The following KCNMA1 variants were observed in gnomAD, a reference collection of about 807,000 sequenced individuals.
The protein encoded by KCNMA1 is Calcium-activated potassium channel subunit alpha-1.
In KCNMA1, 29 loss-of-function variants were observed where a neutral mutation model predicts 140.0. That is an observed-to-expected ratio of 0.21 (90% CI 0.15 to 0.28). The LOEUF (loss-of-function observed/expected upper bound fraction) is 0.28, where lower values mean the gene tolerates loss of function less well. Ranked by LOEUF, KCNMA1 falls within the 10% of genes least tolerant of loss-of-function variation. The pLI is 1.00. For synonymous variants in KCNMA1, 612 were observed against 611.9 expected, an observed-to-expected ratio of 1.00 and a Z score of 0.00; for missense variants, 880 against 1,602.2, an observed-to-expected ratio of 0.55 and a Z score of 7.70.
chr10:77,436,450 T>C (rs1040986488), intron 1 of KCNMA1, among the ~76,000 whole-genome samples: 1 of 152,154 alleles, frequency 6.6e-6, no homozygotes, highest in African/African-American at 2.4e-5. Flanking sequence ...TTGGCAGGAG[T>C]GCAAGCACTA....
At chr10:77,172,617 C>A (rs1466332499) in intron 5 of KCNMA1, among the ~76,000 whole-genome samples, 4 of 151,036 alleles carry the variant, frequency 2.6e-5, no homozygotes, top group Admixed American at 2.6e-4. Context: ...ATAATGAGTT[C>A]ATTTTTCTTG....
chr10:77,058,491 A>T (rs775135676), intron 14 of KCNMA1, among the ~76,000 whole-genome samples: 9 of 152,158 alleles, frequency 5.9e-5, no homozygotes, highest in Non-Finnish European at 1.3e-4. Context: ...ACATTCACCA[A>T]GACAGATTAC....
chr10:76,933,933 T>TTTTC (rs777078949), intron 23 of KCNMA1, among the ~76,000 whole-genome samples: 91 of 151,972 alleles, frequency 6.0e-4, no homozygotes, highest in African/African-American at 1.3e-3. Flanking sequence ...CAGTGCCACT[T>TTTTC]TTTCTTTCTT....
intron 1 of KCNMA1, among the ~76,000 whole-genome samples, chr10:77,539,235 A>G (rs576151789): frequency 1.3e-5 from 2 of 152,332 alleles, no homozygotes; most frequent in East Asian, 3.9e-4. Context: ...CCAATGAGCT[A>G]GCATGATAGG....
chr10:77,621,482 T>C lies in KCNMA1; in HGVS notation c.378+15783A>G, dbSNP rs2091349918. Among the ~76,000 whole-genome samples, 3 of 151,854 alleles carry C rather than the reference T, an allele frequency of 2.0e-5. No individual in the cohort carries two copies. The South Asian group carries it at 6.2e-4, about 31-fold the overall frequency. On this transcript the variant is annotated intron_variant, in intron 1 of 27. Coordinates refer to ENST00000286628, the MANE Select transcript of KCNMA1 (RefSeq NM_001161352.2). The stretch of plus-strand genomic sequence containing the variant: ...GGGTGCAAACTTTGCTGGTCCCCCA[T>C]GCTCTCTTGAATCTGTGTGCATCTC...
chr10:77,625,131 C>T (rs374139521), intron 1 of KCNMA1, among the ~76,000 whole-genome samples: 8 of 152,150 alleles, frequency 5.3e-5, no homozygotes, highest in African/African-American at 1.9e-4. Flanking sequence ...CAGTGGCTCA[C>T]GCCTGTAATC....
At chr10:77,404,278 T>C (rs2096388636) in intron 1 of KCNMA1, among the ~76,000 whole-genome samples, 1 of 152,126 alleles carries the variant, frequency 6.6e-6, no homozygotes, top group African/African-American at 2.4e-5. Context: ...CTATTCTATT[T>C]TATTTTATTT....
intron 1 of KCNMA1, among the ~76,000 whole-genome samples, chr10:77,420,021 G>A (rs1198835982): frequency 1.3e-5 from 2 of 152,254 alleles, no homozygotes; most frequent in African/African-American, 4.8e-5. Flanking sequence ...CAAAGTCATA[G>A]AGAGGGGAAT....
intron 1 of KCNMA1, among the ~76,000 whole-genome samples, chr10:77,573,711 T>C (rs978554213): frequency 9.6e-6 from 1 of 104,160 alleles, no homozygotes; most frequent in Non-Finnish European, 2.1e-5. Context: ...TAGAATAGAA[T>C]AGAATAGAAT....
chr10:77,232,996 C>T (rs1599466984), intron 3 of KCNMA1, among the ~76,000 whole-genome samples: 1 of 151,874 alleles, frequency 6.6e-6, no homozygotes, highest in Middle Eastern at 3.4e-3. Context: ...AAGTGATCCT[C>T]TCATCTCAGC....
chr10:76,909,901 G>C, intron 25 of KCNMA1, 65 bp downstream of exon 25: 1 of 1,574,490 alleles, frequency 6.4e-7, no homozygotes, highest in South Asian at 1.1e-5. Context: ...GGCCTCAAAG[G>C]TTGGAGGTGC....
At chr10:77,176,730 G>A (rs1237308584) in intron 5 of KCNMA1, among the ~76,000 whole-genome samples, 1 of 152,060 alleles carries the variant, frequency 6.6e-6, no homozygotes, top group Non-Finnish European at 1.5e-5. Flanking sequence ...ATTCCTCTTT[G>A]GAAATAATAA....
chr10:77,152,384 A>C (rs974814953), intron 5 of KCNMA1, among the ~76,000 whole-genome samples: 1 of 151,872 alleles, frequency 6.6e-6, no homozygotes, highest in Non-Finnish European at 1.5e-5. Context: ...TGAGAAAAGG[A>C]TTTGATTACA....
chr10:77,632,427 C>T (rs11597477), intron 1 of KCNMA1, among the ~76,000 whole-genome samples: 43,171 of 151,988 alleles, frequency 0.28, 6,294 homozygotes, highest in Middle Eastern at 0.36. Flanking sequence ...CATACCTGCC[C>T]ACCAAATGCC....
At chr10:77,551,453 G>A (rs1567494571) in intron 1 of KCNMA1, among the ~76,000 whole-genome samples, 1 of 152,164 alleles carries the variant, frequency 6.6e-6, no homozygotes, top group Non-Finnish European at 1.5e-5. Context: ...TTTTACTGAT[G>A]AGAAAACTCA....
Position 77,204,688 on chromosome 10 carries a change from G to T in KCNMA1, c.603-19772C>A, listed in dbSNP as rs1007291227. On this transcript the variant is annotated intron_variant, in intron 3 of 27. Coordinates refer to ENST00000286628, the MANE Select transcript of KCNMA1 (RefSeq NM_001161352.2). ...ACCTGCTTCCTCGACATGGTTTGGT[G>T]CCTATTGTCCTAGAATCATGTAGAC... 2.0e-5 allele frequency among the ~76,000 whole-genome samples: 3 copies of T among 152,288 alleles called. No individual in the cohort carries two copies. In the East Asian group the frequency reaches 5.8e-4, roughly 29 times the overall value.
At chr10:77,613,542 C>G (rs2087880599) in intron 1 of KCNMA1, among the ~76,000 whole-genome samples, 1 of 152,204 alleles carries the variant, frequency 6.6e-6, no homozygotes, top group Non-Finnish European at 1.5e-5. Context: ...GTTCAGACCG[C>G]AGGCCGGCTC....
chr10:77,592,896 G>A (rs1440040050), intron 1 of KCNMA1, among the ~76,000 whole-genome samples: 5 of 152,290 alleles, frequency 3.3e-5, no homozygotes, highest in African/African-American at 4.8e-5. Context: ...AAGAGAGAGC[G>A]CACAAAGGCA....
chr10:77,239,131 T>C (rs1245191404), intron 3 of KCNMA1, among the ~76,000 whole-genome samples: 1 of 152,216 alleles, frequency 6.6e-6, no homozygotes, highest in Admixed American at 6.5e-5. Flanking sequence ...CAATTATTAA[T>C]GCTGTTCTTT....
Sources: allele counts gnomAD v4.1 joint callset (sites outside exome capture counted in the v4.1 genomes callset), GRCh38; gene constraint gnomAD v4.1.1; transcripts MANE v1.5; gene names NCBI Gene and HGNC (gene_info 2026-07-23, HGNC 2026-07-21).